The following TRIM66 variants were observed in gnomAD, a reference collection of about 807,000 sequenced individuals.
The protein encoded by TRIM66 is tripartite motif-containing protein 66.
Under a neutral mutation model 148.2 loss-of-function variants are expected in TRIM66, and 99 were observed. The observed-to-expected ratio is 0.67, with a 90% confidence interval of 0.57 to 0.79. The LOEUF is 0.79. Ranked by LOEUF, TRIM66 falls within the 30% of genes least tolerant of loss-of-function variation. The pLI, the probability that TRIM66 is intolerant of heterozygous loss-of-function variation, is 0.00. For missense variants in TRIM66, 1,666 were observed against 1,697.9 expected (o/e 0.98, Z 0.33); for synonymous variants, 616 against 635.9 (o/e 0.97, Z 0.47).
chr11:8,651,739 G>T, intron 7 of TRIM66, 61 bp downstream of exon 7: 1 of 1,307,382 alleles, frequency 7.6e-7, no homozygotes, highest in South Asian at 1.3e-5. Context: ...GAAGACTTAT[G>T]GACAGGGGCC....
At chr11:8,620,773 G>A (rs2034131187) in intron 20 of TRIM66, among the ~76,000 whole-genome samples, 1 of 152,226 alleles carries the variant, frequency 6.6e-6, no homozygotes, top group South Asian at 2.1e-4. Flanking sequence ...GGGGAGGCTG[G>A]GGTAGTAGTA....
rs1351846554 is a variant in TRIM66, at chr11:8,613,005, T to G, written c.*4939A>C. 2.6e-5 allele frequency: 4 copies of G among 152,182 alleles called. No individual in the cohort carries two copies. Among genetic ancestry groups the G allele is most frequent in the Non-Finnish European group, 5.9e-5 (4 of 68,042 alleles). The allele number at this position is 152,182 out of a possible 1,614,324, so 9.4% of individuals were successfully genotyped here. ...AACAGGCTAAAACCTCTGTGTTGTC[T>G]GGGAGAGACAGAGGGAAGGACTCAC... On this transcript the variant is annotated 3_prime_UTR_variant, in exon 25 of 25. Coordinates refer to ENST00000646038, the MANE Select transcript of TRIM66 (RefSeq NM_001388022.1).
chr11:8,676,782 G>A (rs1442610722), intron 3 of TRIM66, among the ~76,000 whole-genome samples: 1 of 152,176 alleles, frequency 6.6e-6, no homozygotes, highest in African/African-American at 2.4e-5. Context: ...CTAGAAGAGT[G>A]TAGGGGACAG....
At chr11:8,631,183 C>A (rs1001655393) in intron 15 of TRIM66, among the ~76,000 whole-genome samples, 26 of 152,292 alleles carry the variant, frequency 1.7e-4, no homozygotes, top group African/African-American at 6.3e-4. Flanking sequence ...TGAAAACAGG[C>A]TGGCTAGTCT....
intron 15 of TRIM66, among the ~76,000 whole-genome samples, chr11:8,634,592 T>A (rs2035712973): frequency 6.6e-6 from 1 of 152,230 alleles, no homozygotes; most frequent in African/African-American, 2.4e-5. Context: ...GGTAGGGTTG[T>A]AGCCATGGTC....
rs1230295449 is a variant in TRIM66, at chr11:8,674,853, G to A, written c.-159C>T. On this transcript the variant is annotated 5_prime_UTR_variant, in exon 4 of 25. Transcript: ENST00000646038. Reference sequence around the variant, plus strand: ...ATATGTTGTTTTGTTCACAGTATATGAGGAAAATCCAGTCTCACACAGACA... The same window carrying A: ...ATATGTTGTTTTGTTCACAGTATATAAGGAAAATCCAGTCTCACACAGACA... 6.6e-6 allele frequency: 1 copy of A among 152,216 alleles called. No homozygotes were observed. Among genetic ancestry groups the A allele is most frequent in the Non-Finnish European group, 1.5e-5 (1 of 68,042 alleles). 9.4% of individuals were successfully genotyped at this position (152,216 alleles called of 1,614,324 possible).
rs2033916490 is a variant in TRIM66, at chr11:8,618,763, C to T, written c.4106G>A (p.Arg1369Gln). Residue 1369 changes from arginine to glutamine, a missense_variant, in exon 24 of 25, where the codon CGG (arginine) becomes CAG (glutamine). Physicochemically the swap from Arg to Gln is conservative, Grantham distance 43. Around this residue, in one of 3 missense-constraint regions of TRIM66, gnomAD observed 204 missense variants for 231.0 expected, o/e 0.88. Transcript: ENST00000646038. ...GTAACTCTTTACCATATGTCGTCGC[C>T]GCCTCTTGGGTTGGATGCCCTCCTG... Reference protein sequence around the residue: ...YMQEGIQPKRRRRHMENERAK... With the variant: ...YMQEGIQPKRQRRHMENERAK... The T allele has an allele frequency of 1.9e-6, 3 of 1,550,412 alleles. No homozygotes were observed. The highest frequency in any genetic ancestry group is 1.7e-6 in the Non-Finnish European group (2 of 1,146,812).
Position 8,620,447 on chromosome 11 carries a change from T to C in TRIM66, c.3671A>G (p.Lys1224Arg), listed in dbSNP as rs1342139276. ...TTGTTTCCAAAGACTCCTCCCTACC[T>C]TCTGGTCATACATGCTTAGGCCAGG... ...ASPGLSMYDQ[K>R]KCEKLVLSLC... The change falls in exon 21 of 25, where the codon AAG (lysine) becomes AGG (arginine). Residue 1224 changes from lysine to arginine, a missense_variant and splice_region_variant. Transcript: ENST00000646038. 1 of 1,551,730 alleles carries C rather than the reference T, an allele frequency of 6.4e-7. No homozygotes were observed. Among genetic ancestry groups the C allele is most frequent in the South Asian group, 1.2e-5 (1 of 84,068 alleles).
chr11:8,628,636 A>AGAGAG (rs577838428), intron 15 of TRIM66, among the ~76,000 whole-genome samples: 171 of 93,350 alleles, frequency 1.8e-3, no homozygotes, highest in Non-Finnish European at 2.5e-3. Context: ...AAAAAAAAAA[A>AGAGAG]AGAGAGAGAA....
rs2039500076 is a variant in TRIM66, at chr11:8,682,650, C to G, written c.-597G>C. Reference sequence around the variant, plus strand: ...CACTCCGTGATGGGGGATCACCACCCTCAGAAAGAGGAAGCGACTAGCAGG... The same window carrying G: ...CACTCCGTGATGGGGGATCACCACCGTCAGAAAGAGGAAGCGACTAGCAGG... On this transcript the variant is annotated 5_prime_UTR_variant, in exon 1 of 25. Coordinates refer to ENST00000646038, the MANE Select transcript of TRIM66 (RefSeq NM_001388022.1). 2.6e-6 allele frequency: 2 copies of G among 780,212 alleles called. No individual in the cohort carries two copies. The highest frequency in any genetic ancestry group is 4.1e-5 in the Admixed American group (2 of 48,234). 48.3% of individuals were successfully genotyped at this position (780,212 alleles called of 1,614,324 possible). A position where few individuals can be genotyped will look rare whatever the true frequency, so the allele number is the denominator to read the frequency against.
rs745697429 is a variant in TRIM66 at position 8,638,682 on chromosome 11, T to C, written c.2282A>G (p.Gln761Arg). 1 of 1,549,150 alleles carries C rather than the reference T, an allele frequency of 6.5e-7. No homozygotes were observed. The highest frequency in any genetic ancestry group is 1.2e-5 in the South Asian group (1 of 83,720). The change falls in exon 15 of 25, where the codon CAG becomes CGG. Residue 761 changes from glutamine to arginine, a missense_variant. By Grantham distance (43) the Gln-to-Arg change is conservative. Coordinates refer to ENST00000646038, the MANE Select transcript of TRIM66 (RefSeq NM_001388022.1). ...TCTCACCACATTTGGAGAGGAGTGC[T>C]GGATGGTGCTGTCCACTGGGGGGAC... ...LSVPPVDSTIQHSSPNVVRKH... is the reference protein window; with the variant it reads ...LSVPPVDSTIRHSSPNVVRKH...
At chr11:8,658,762 G>A in intron 6 of TRIM66, 20 of 985,300 alleles carry the variant, frequency 2.0e-5, no homozygotes, top group Non-Finnish European at 2.4e-5. Context: ...AACAGCAGGA[G>A]CCCAAGATAT....
At chr11:8,659,014 A>G (rs998324928) in intron 6 of TRIM66, among the ~76,000 whole-genome samples, 5 of 151,756 alleles carry the variant, frequency 3.3e-5, no homozygotes, top group Non-Finnish European at 7.4e-5. Context: ...AGTTAACTCT[A>G]CCCACCAGGA....
In TRIM66 at chr11:8,617,896, G is replaced by A. The variant is rs774490226; in HGVS notation, c.*48C>T. Reference sequence around the variant, plus strand: ...AGCTGCAAGATGGGGAGGAATGGTCGACAGTATGGGACAACAGCTGCCAGA... The same window carrying A: ...AGCTGCAAGATGGGGAGGAATGGTCAACAGTATGGGACAACAGCTGCCAGA... On this transcript the variant is annotated 3_prime_UTR_variant, in exon 25 of 25. Transcript: ENST00000646038. The A allele has an allele frequency of 5.9e-6, 9 of 1,529,770 alleles. No individual in the cohort carries two copies. Among genetic ancestry groups the A allele is most frequent in the Admixed American group, 2.0e-5 (1 of 50,938 alleles). 94.8% of individuals were successfully genotyped at this position (1,529,770 alleles called of 1,614,324 possible).
At chr11:8,640,151 G>T in intron 14 of TRIM66, 76 bp downstream of exon 14, 1 of 1,409,994 alleles carries the variant, frequency 7.1e-7, no homozygotes, top group Non-Finnish European at 9.6e-7. Flanking sequence ...GTGCTGCCTT[G>T]TTTTTGGGGA....
intron 6 of TRIM66, among the ~76,000 whole-genome samples, chr11:8,652,169 A>G (rs78737968): frequency 0.05 from 7,586 of 152,100 alleles, 439 homozygotes; most frequent in East Asian, 0.25. Flanking sequence ...CCCATAAACC[A>G]TGCTACTACA....
At chr11:8,670,838 G>A (rs138716778) in intron 6 of TRIM66, among the ~76,000 whole-genome samples, 5 of 152,278 alleles carry the variant, frequency 3.3e-5, no homozygotes, top group African/African-American at 7.2e-5. Flanking sequence ...GAGAGGCAAG[G>A]TAGCTTGCCC....
chr11:8,654,974 C>T (rs1279349412), intron 6 of TRIM66, among the ~76,000 whole-genome samples: 1 of 152,164 alleles, frequency 6.6e-6, no homozygotes, highest in East Asian at 1.9e-4. Context: ...AATTATCCCG[C>T]CTCAGCCTCC....
At chr11:8,633,998 T>G (rs2035648414) in intron 15 of TRIM66, among the ~76,000 whole-genome samples, 1 of 152,198 alleles carries the variant, frequency 6.6e-6, no homozygotes, top group Non-Finnish European at 1.5e-5. Flanking sequence ...CTGTATCATT[T>G]ACTGGAAATA....
Sources: gnomAD v4.1 joint callset for allele counts (sites outside exome capture counted in the v4.1 genomes callset) on GRCh38, gnomAD v4.1.1 for gene constraint, gnomAD v4.1.1 regional missense constraint, MANE v1.5 for transcripts, NCBI Gene and HGNC (gene_info 2026-07-23, HGNC 2026-07-21) for gene names.